The following APBB2 variants were observed in gnomAD, a reference collection of about 807,000 sequenced individuals.
APBB2 encodes Fe65-like 1.
A neutral mutation model predicts 82.5 loss-of-function variants in APBB2; 38 were observed. That is an observed-to-expected ratio of 0.46 (90% CI 0.36 to 0.60). The LOEUF is 0.60. Ranked by LOEUF, APBB2 falls within the 20% of genes least tolerant of loss-of-function variation. The probability of loss-of-function intolerance (pLI) is 0.00; values close to 1 mark genes in which losing one functional copy is unlikely to be tolerated. For missense variants in APBB2, 772 were observed against 972.3 expected, an observed-to-expected ratio of 0.79 and a Z score of 2.74; for synonymous variants, 341 against 368.2, an observed-to-expected ratio of 0.93 and a Z score of 0.85.
chr4:40,971,013 G>A (rs911678711), intron 6 of APBB2, among the ~76,000 whole-genome samples: 6 of 152,132 alleles, frequency 3.9e-5, no homozygotes, highest in African/African-American at 1.2e-4. Context: ...TACAGTTTAT[G>A]TCTCAAGAGA....
At chr4:40,846,325 C>CT (rs1308411669) in intron 12 of APBB2, among the ~76,000 whole-genome samples, 2 of 56,614 alleles carry the variant, frequency 3.5e-5, no homozygotes, top group African/African-American at 1.9e-4. Context: ...TGAAAACACT[C>CT]CAAAAAAAAA....
chr4:40,853,648 G>A (rs1360063330), intron 12 of APBB2, among the ~76,000 whole-genome samples: 1 of 151,680 alleles, frequency 6.6e-6, no homozygotes, highest in Non-Finnish European at 1.5e-5. Flanking sequence ...GTAGAGACAG[G>A]GTTTCACCAT....
chr4:41,000,681 C>T lies in APBB2; in HGVS notation c.835+12902G>A, dbSNP rs1285582031. Among the ~76,000 whole-genome samples, 3 of 152,164 alleles carry T rather than the reference C, an allele frequency of 2.0e-5. No individual in the cohort carries two copies. The South Asian group carries it at 6.2e-4, about 32-fold the overall frequency. ...CAGTTCCTAGCATATAAGAGACATT[C>T]ATGGACTGCAAGGAACTCTGTGAGT... On this transcript the variant is annotated intron_variant, in intron 6 of 17. Coordinates refer to ENST00000508593, the MANE Select transcript of APBB2 (RefSeq NM_004307.2).
At chr4:40,848,720 G>A (rs1479699334) in intron 12 of APBB2, among the ~76,000 whole-genome samples, 3 of 121,648 alleles carry the variant, frequency 2.5e-5, no homozygotes, top group African/African-American at 3.2e-5. Context: ...CCGCCCCACC[G>A]CCGCAAACTC....
intron 1 of APBB2, among the ~76,000 whole-genome samples, chr4:41,146,044 T>A (rs4241707): frequency 0.98 from 149,452 of 152,168 alleles, 73,460 homozygotes; most frequent in East Asian, 1. Context: ...TTTAAATATT[T>A]ATCCAACATG....
chr4:40,844,195 C>T (rs866507978), intron 12 of APBB2, among the ~76,000 whole-genome samples: 3 of 152,172 alleles, frequency 2.0e-5, no homozygotes, highest in Non-Finnish European at 2.9e-5. Flanking sequence ...CCTTCAAGTA[C>T]ACTGCTTACC....
intron 10 of APBB2, among the ~76,000 whole-genome samples, chr4:40,925,207 A>G (rs4464603): frequency 0.09 from 13,703 of 152,304 alleles, 650 homozygotes; most frequent in Middle Eastern, 0.15. Flanking sequence ...GGCAGGGGCC[A>G]TATCCATTCC....
intron 10 of APBB2, among the ~76,000 whole-genome samples, chr4:40,910,677 G>A (rs771017990): frequency 9.9e-5 from 15 of 152,222 alleles, no homozygotes; most frequent in Non-Finnish European, 1.2e-4. Flanking sequence ...AAGTGGCCCC[G>A]GATGTGCCAC....
At chr4:40,919,787 A>G (rs921275198) in intron 10 of APBB2, among the ~76,000 whole-genome samples, 63 of 152,216 alleles carry the variant, frequency 4.1e-4, no homozygotes, top group African/African-American at 1.4e-3. Context: ...CATCTCTACA[A>G]CACGTCTTGT....
chr4:40,982,183 C>T (rs1264821218), intron 6 of APBB2, among the ~76,000 whole-genome samples: 2 of 116,658 alleles, frequency 1.7e-5, no homozygotes, highest in African/African-American at 6.6e-5. Context: ...GAAACTCTGT[C>T]TCAAAAAAAA....
intron 4 of APBB2, among the ~76,000 whole-genome samples, chr4:41,047,178 A>G (rs184069985): frequency 5.9e-5 from 9 of 152,244 alleles, no homozygotes; most frequent in Non-Finnish European, 1.2e-4. Flanking sequence ...TGAACTCAGT[A>G]GAAGATGAAA....
Position 41,100,603 on chromosome 4 carries a change from A to G in APBB2, c.-149+36T>C, listed in dbSNP as rs1745031731. 3.9e-5 allele frequency: 6 copies of G among 152,320 alleles called. 1 individual carries two copies. The South Asian group carries it at 1.2e-3, about 32-fold the overall frequency. 9.4% of individuals were successfully genotyped at this position (152,320 alleles called of 1,614,324 possible). On this transcript the variant is annotated intron_variant, in intron 3 of 17. Coordinates refer to ENST00000508593, the MANE Select transcript of APBB2 (RefSeq NM_004307.2). ...TTGTTAACTTTCTGAGAGAGGTATA[A>G]CAGAATTTTTTAAAAGCAAGTTTAA...
At chr4:41,138,453 G>C (rs1323305222) in intron 2 of APBB2, among the ~76,000 whole-genome samples, 1 of 152,052 alleles carries the variant, frequency 6.6e-6, no homozygotes, top group African/African-American at 2.4e-5. Flanking sequence ...CCAGAGACTA[G>C]AAGAAAATAT....
At chr4:40,883,262 G>A (rs1165272717) in intron 12 of APBB2, among the ~76,000 whole-genome samples, 1 of 152,196 alleles carries the variant, frequency 6.6e-6, no homozygotes, top group Non-Finnish European at 1.5e-5. Context: ...GTTCAAGGCT[G>A]CAGTGAGCTA....
At chr4:40,882,902 CTA>C (rs1430899200) in intron 12 of APBB2, among the ~76,000 whole-genome samples, 1 of 152,210 alleles carries the variant, frequency 6.6e-6, no homozygotes, top group Non-Finnish European at 1.5e-5. Flanking sequence ...ACTAGAGACT[CTA>C]GTTCCGAGTC....
intron 12 of APBB2, among the ~76,000 whole-genome samples, chr4:40,837,249 G>C (rs542623997): frequency 6.6e-6 from 1 of 152,340 alleles, no homozygotes; most frequent in East Asian, 1.9e-4. Flanking sequence ...AGGGCCCGTA[G>C]CCAGCTCTGT....
intron 3 of APBB2, among the ~76,000 whole-genome samples, chr4:41,070,699 T>C (rs1249368513): frequency 6.6e-6 from 1 of 152,214 alleles, no homozygotes; most frequent in African/African-American, 2.4e-5. Context: ...TTTTTTTTAT[T>C]AGTATGTACC....
At chr4:40,994,204 G>A (rs972967616) in intron 6 of APBB2, among the ~76,000 whole-genome samples, 4 of 151,190 alleles carry the variant, frequency 2.6e-5, no homozygotes, top group Admixed American at 1.3e-4. Flanking sequence ...GGAGAATGGC[G>A]TGAACCTGGG....
chr4:41,070,601 C>T (rs111992531), intron 3 of APBB2, among the ~76,000 whole-genome samples: 241 of 152,310 alleles, frequency 1.6e-3, no homozygotes, highest in African/African-American at 5.6e-3. Context: ...CATGCCTGGC[C>T]TGAACACATT....
Sources: gnomAD v4.1 joint callset for allele counts (sites outside exome capture counted in the v4.1 genomes callset) on GRCh38, gnomAD v4.1.1 for gene constraint, MANE v1.5 for transcripts, NCBI Gene and HGNC (gene_info 2026-07-23, HGNC 2026-07-21) for gene names.